The following CBLB variants were observed in gnomAD, a reference collection of about 807,000 sequenced individuals.
The protein encoded by CBLB is E3 ubiquitin-protein ligase CBL-B.
A neutral mutation model predicts 104.9 loss-of-function variants in CBLB; 31 were observed. The observed-to-expected ratio is 0.30, with a 90% CI of 0.22 to 0.40. The LOEUF is 0.40. Among genes scored for constraint, CBLB ranks in the 10% least tolerant of loss-of-function variants. CBLB has a pLI of 1.00. For missense variants in CBLB, 1,062 were observed against 1,214.6 expected (o/e 0.87, Z 1.87); for synonymous variants, 440 against 422.6 (o/e 1.04, Z -0.51).
At chr3:105,680,441 T>C (rs372280761) in intron 16 of CBLB, among the ~76,000 whole-genome samples, 1 of 152,182 alleles carries the variant, frequency 6.6e-6, no homozygotes, top group African/African-American at 2.4e-5. Context: ...ATCCTTTACA[T>C]CACCACAGAA....
chr3:105,738,609 A>G (rs1052878602), intron 7 of CBLB, among the ~76,000 whole-genome samples: 2 of 152,076 alleles, frequency 1.3e-5, no homozygotes, highest in Non-Finnish European at 2.9e-5. Flanking sequence ...AAGATTACAA[A>G]AATCATGATT....
intron 18 of CBLB, among the ~76,000 whole-genome samples, chr3:105,669,065 A>AACCCATCC (rs1553702594): frequency 6.7e-6 from 1 of 149,848 alleles, no homozygotes; most frequent in African/African-American, 2.5e-5. Context: ...TGTCCACTCA[A>AACCCATCC]ATCCATCCAT....
intron 18 of CBLB, among the ~76,000 whole-genome samples, chr3:105,660,180 TAC>T (rs1399923878): frequency 6.6e-6 from 1 of 152,092 alleles, no homozygotes; most frequent in Non-Finnish European, 1.5e-5. Context: ...AATACACACA[TAC>T]ACACACTATA....
At chr3:105,689,558 T>C (rs1034627527) in intron 13 of CBLB, among the ~76,000 whole-genome samples, 3 of 151,068 alleles carry the variant, frequency 2.0e-5, no homozygotes, top group Non-Finnish European at 4.4e-5. Flanking sequence ...TTATCTTACC[T>C]GGAAGTAATT....
intron 18 of CBLB, among the ~76,000 whole-genome samples, chr3:105,669,209 T>C (rs980994579): frequency 6.6e-6 from 1 of 152,144 alleles, no homozygotes; most frequent in Admixed American, 6.5e-5. Flanking sequence ...TGCAAATCCA[T>C]ATGTTAAAAC....
At chr3:105,673,940 T>C (rs990401099) in intron 17 of CBLB, 1 of 152,256 alleles carries the variant, frequency 6.6e-6, no homozygotes, top group Admixed American at 6.5e-5. Context: ...TACTTTATCA[T>C]CCTGGTTGCA....
At chr3:105,772,540 T>G (rs2078985044) in intron 4 of CBLB, among the ~76,000 whole-genome samples, 1 of 152,116 alleles carries the variant, frequency 6.6e-6, no homozygotes, top group Non-Finnish European at 1.5e-5. Context: ...TTAAAAAGCT[T>G]CTGCACAGCA....
At chr3:105,747,661 A>T (rs2076241072) in intron 5 of CBLB, among the ~76,000 whole-genome samples, 1 of 152,216 alleles carries the variant, frequency 6.6e-6, no homozygotes, top group Non-Finnish European at 1.5e-5. Context: ...AAATGTCAGC[A>T]TATATTTTAA....
rs924540078 is a variant in CBLB, at chr3:105,681,807, T to C, written c.2213A>G (p.Asn738Ser). The change falls in exon 15 of 19, where the codon AAT becomes AGT. Residue 738 changes from asparagine (N) to serine (S), a missense_variant. Coordinates refer to ENST00000394030, the MANE Select transcript of CBLB (RefSeq NM_170662.5). ...NVKPPVRSCD[N>S]GHCMLNGTHG... is the part of the protein sequence containing the mutation. ...TGTTCCATTCAGCATACAGTGACCATTATCACAAGACCTAAAGGACAGTTC... is the reference window on the plus strand; with the variant it reads ...TGTTCCATTCAGCATACAGTGACCACTATCACAAGACCTAAAGGACAGTTC... The C allele has an allele frequency of 6.3e-7, 1 of 1,599,806 alleles. No individual in the cohort carries two copies. Among genetic ancestry groups the C allele is most frequent in the East Asian group, 2.2e-5 (1 of 44,776 alleles).
intron 14 of CBLB, among the ~76,000 whole-genome samples, chr3:105,684,492 C>T (rs568086079): frequency 6.6e-6 from 1 of 152,090 alleles, no homozygotes. Flanking sequence ...AAGACCAAGG[C>T]TATCCCCATG....
intron 3 of CBLB, among the ~76,000 whole-genome samples, chr3:105,778,900 A>C (rs1269217818): frequency 6.6e-6 from 1 of 152,216 alleles, no homozygotes; most frequent in Non-Finnish European, 1.5e-5. Flanking sequence ...TATCAAAGGA[A>C]AGACTTGTGG....
intron 3 of CBLB, among the ~76,000 whole-genome samples, chr3:105,781,917 G>GC (rs2080309366): frequency 1.3e-5 from 2 of 152,160 alleles, no homozygotes; most frequent in South Asian, 4.2e-4. Flanking sequence ...AAAAAGAAAG[G>GC]CAAGACATAA....
chr3:105,796,737 C>T (rs1333378120), intron 3 of CBLB, among the ~76,000 whole-genome samples: 1 of 151,856 alleles, frequency 6.6e-6, no homozygotes, highest in African/African-American at 2.4e-5. Context: ...AATTTACAAG[C>T]AAAAAACAAC....
chr3:105,691,784 T>C (rs1239704094), intron 13 of CBLB, among the ~76,000 whole-genome samples: 1 of 152,192 alleles, frequency 6.6e-6, no homozygotes, highest in African/African-American at 2.4e-5. Flanking sequence ...TGGAGAATGA[T>C]CTAATTCGCT....
chr3:105,679,432 T>A (rs939863683), intron 16 of CBLB, among the ~76,000 whole-genome samples: 2 of 148,802 alleles, frequency 1.3e-5, no homozygotes, highest in Non-Finnish European at 1.5e-5. Flanking sequence ...CATATTCTAA[T>A]AATAAAAATT....
At chr3:105,864,340 G>A (rs571679421) in intron 2 of CBLB, among the ~76,000 whole-genome samples, 26 of 152,156 alleles carry the variant, frequency 1.7e-4, no homozygotes, top group South Asian at 4.1e-4. Context: ...AAACACAGTA[G>A]GCCCTCAAAA....
intron 13 of CBLB, among the ~76,000 whole-genome samples, chr3:105,691,504 C>T (rs1448047870): frequency 6.6e-6 from 1 of 152,210 alleles, no homozygotes; most frequent in African/African-American, 2.4e-5. Context: ...CACACTGCAA[C>T]TTCCAGCTCG....
chr3:105,664,307 T>C (rs867300871), intron 18 of CBLB, among the ~76,000 whole-genome samples: 15 of 152,178 alleles, frequency 9.9e-5, no homozygotes, highest in Admixed American at 2.6e-4. Context: ...ATGTTAAAAA[T>C]AGTATTTGAT....
At chr3:105,798,005 A>G (rs1445305269) in intron 3 of CBLB, among the ~76,000 whole-genome samples, 1 of 152,238 alleles carries the variant, frequency 6.6e-6, no homozygotes, top group Admixed American at 6.5e-5. Context: ...CAGGAGCCAT[A>G]TGAAGGGCAG....
Sources: gnomAD v4.1 joint callset for allele counts (sites outside exome capture counted in the v4.1 genomes callset) on GRCh38, gnomAD v4.1.1 for gene constraint, MANE v1.5 for transcripts, NCBI Gene and HGNC (gene_info 2026-07-23, HGNC 2026-07-21) for gene names.